Variants in PLPPR5 observed in about 807,000 individuals in gnomAD.
PLPPR5 encodes the protein phospholipid phosphatase related 5.
PLPPR5 carries 16 observed loss-of-function variants against 33.9 expected under a neutral mutation model. That is an observed-to-expected ratio of 0.47 (90% confidence interval 0.32 to 0.72). The LOEUF is 0.72. Among genes scored for constraint, PLPPR5 ranks in the 30% least tolerant of loss-of-function variants. The pLI, the probability that PLPPR5 is intolerant of heterozygous loss-of-function variation, is 0.03. For missense variants in PLPPR5, 301 were observed against 406.7 expected (o/e 0.74, Z 2.23); for synonymous variants, 163 against 150.3 (o/e 1.08, Z -0.62).
intron 4 of PLPPR5, among the ~76,000 whole-genome samples, chr1:98,915,683 G>A (rs2101153714): frequency 6.6e-6 from 1 of 152,208 alleles, no homozygotes; most frequent in Admixed American, 6.5e-5. Context: ...CTAAACCAGA[G>A]GTTCTCATCC....
At chr1:98,981,242 T>TACAA (rs1230669202) in intron 1 of PLPPR5, among the ~76,000 whole-genome samples, 49 of 152,212 alleles carry the variant, frequency 3.2e-4, no homozygotes, top group Admixed American at 3.2e-3. Flanking sequence ...ATTACAGGTT[T>TACAA]ACCTCTTCAA....
chr1:98,942,076 AAG>A (rs138044131), intron 3 of PLPPR5, among the ~76,000 whole-genome samples: 24 of 148,244 alleles, frequency 1.6e-4, no homozygotes, highest in African/African-American at 2.2e-4. Context: ...GAGAGGAAGA[AAG>A]AGAGAGAGAG....
chr1:98,906,074 T>C (rs1161622216), intron 5 of PLPPR5, among the ~76,000 whole-genome samples: 1 of 151,926 alleles, frequency 6.6e-6, no homozygotes, highest in Non-Finnish European at 1.5e-5. Context: ...TAGTTTTCAC[T>C]AGGTAATGCT....
At chr1:98,997,614 C>A (rs1373520945) in intron 1 of PLPPR5, among the ~76,000 whole-genome samples, 1 of 152,124 alleles carries the variant, frequency 6.6e-6, no homozygotes, top group African/African-American at 2.4e-5. Context: ...GACCATTTTA[C>A]ATTTTTTTAA....
intron 1 of PLPPR5, chr1:98,991,308 G>A (rs1448021659): frequency 1.3e-5 from 2 of 151,452 alleles, no homozygotes; most frequent in Non-Finnish European, 2.9e-5. Context: ...TCTACTCTAA[G>A]GATGAAACAA....
chr1:98,908,343 C>T (rs559205805), intron 5 of PLPPR5, among the ~76,000 whole-genome samples: 62 of 152,188 alleles, frequency 4.1e-4, no homozygotes, highest in African/African-American at 1.5e-3. Flanking sequence ...AGTTTTCACT[C>T]TTGGTGACAC....
At chr1:98,918,937 A>G (rs993272620) in intron 4 of PLPPR5, among the ~76,000 whole-genome samples, 1 of 152,342 alleles carries the variant, frequency 6.6e-6, no homozygotes, top group Non-Finnish European at 1.5e-5. Flanking sequence ...TATGCTGTGA[A>G]CAAAACAAAG....
At chr1:98,981,020 A>C (rs1348561538) in intron 1 of PLPPR5, among the ~76,000 whole-genome samples, 1 of 152,028 alleles carries the variant, frequency 6.6e-6, no homozygotes, top group Admixed American at 6.6e-5. Context: ...AGTGAGAAAA[A>C]CCCAAGAATT....
chr1:98,954,115 G>A (rs1379483425), intron 2 of PLPPR5, among the ~76,000 whole-genome samples: 1 of 151,588 alleles, frequency 6.6e-6, no homozygotes, highest in Admixed American at 6.6e-5. Context: ...TTCCTCCTTT[G>A]CTAAGGAACT....
intron 4 of PLPPR5, among the ~76,000 whole-genome samples, chr1:98,915,124 A>G (rs1462083486): frequency 6.6e-6 from 1 of 152,190 alleles, no homozygotes; most frequent in Admixed American, 6.5e-5. Context: ...TCCAATGCAG[A>G]TATGTTTAAG....
chr1:98,925,773 A>G (rs1649734450), intron 3 of PLPPR5, among the ~76,000 whole-genome samples: 1 of 152,212 alleles, frequency 6.6e-6, no homozygotes, highest in African/African-American at 2.4e-5. Context: ...GGAGGCATCT[A>G]TGGTTAGATC....
At chr1:98,979,174 G>A (rs1034059609) in intron 1 of PLPPR5, among the ~76,000 whole-genome samples, 1 of 152,018 alleles carries the variant, frequency 6.6e-6, no homozygotes, top group African/African-American at 2.4e-5. Context: ...ATTTCTGTAT[G>A]ATTTTTATGT....
rs1462891754 is a variant in PLPPR5 at position 98,956,603 on chromosome 1, A to G, written c.370+6T>C. 6.4e-7 allele frequency: 1 copy of G among 1,572,500 alleles called. No individual in the cohort carries two copies. Reference sequence around the variant, plus strand: ...AAATATTAAAAATAATTTAATGAACACATACCAAGAAATCGGACAGTTCGG... The same window carrying G: ...AAATATTAAAAATAATTTAATGAACGCATACCAAGAAATCGGACAGTTCGG... On this transcript the variant is annotated splice_donor_region_variant and intron_variant, in intron 2 of 5. Coordinates refer to ENST00000263177, the MANE Select transcript of PLPPR5 (RefSeq NM_001037317.2).
At chr1:98,991,634 C>A (rs1652453927) in intron 1 of PLPPR5, among the ~76,000 whole-genome samples, 2 of 152,044 alleles carry the variant, frequency 1.3e-5, no homozygotes, top group Non-Finnish European at 2.9e-5. Context: ...TAACTTCAAA[C>A]ACTATGAAAC....
intron 5 of PLPPR5, among the ~76,000 whole-genome samples, chr1:98,893,618 C>CTT (rs58092144): frequency 0.074 from 6,644 of 89,626 alleles, 157 homozygotes; most frequent in Middle Eastern, 0.098. Flanking sequence ...TTCACAGCGC[C>CTT]TTTTTTTTTT....
At chr1:98,967,842 G>C (rs534456519) in intron 1 of PLPPR5, among the ~76,000 whole-genome samples, 1 of 152,182 alleles carries the variant, frequency 6.6e-6, no homozygotes, top group Admixed American at 6.6e-5. Flanking sequence ...TCGTATCTGC[G>C]ATGGATTAGT....
At chr1:98,952,262 CAGAAAAA>C (rs1303832385) in intron 3 of PLPPR5, among the ~76,000 whole-genome samples, 7 of 113,054 alleles carry the variant, frequency 6.2e-5, no homozygotes, top group Non-Finnish European at 1.2e-4. Context: ...GACTCCGTCT[CAGAAAAA>C]AAAAAAAAAA....
chr1:98,969,360 A>T (rs72730383), intron 1 of PLPPR5, among the ~76,000 whole-genome samples: 13,828 of 152,052 alleles, frequency 0.091, 730 homozygotes, highest in Non-Finnish European at 0.11. Flanking sequence ...GGTTATTAGA[A>T]AAAGAAGAGA....
intron 1 of PLPPR5, among the ~76,000 whole-genome samples, chr1:99,001,483 T>C (rs563967671): frequency 7.9e-5 from 12 of 151,868 alleles, no homozygotes; most frequent in African/African-American, 2.9e-4. Flanking sequence ...TAAATCCAAA[T>C]TTACTAGACT....
Sources: allele counts gnomAD v4.1 joint callset (sites outside exome capture counted in the v4.1 genomes callset), GRCh38; gene constraint gnomAD v4.1.1; transcripts MANE v1.5; gene names NCBI Gene and HGNC (gene_info 2026-07-23, HGNC 2026-07-21).